The following SKIC2 variants were observed in gnomAD, a reference collection of about 807,000 sequenced individuals.
SKIC2 encodes SKI2 subunit of superkiller complex.
chr6:31,962,401 C>T, the SKIC2 span: 210 of 1,612,250 alleles, frequency 1.3e-4, no homozygotes, highest in Non-Finnish European at 1.7e-4. This position sits in a 1 kb window ranked among gnomAD's most constrained non-coding sequence, Gnocchi z 5.0. Context: ...GGCCATGAGT[C>T]TGCGGAGGGA....
At chr6:31,961,304 G>T in the SKIC2 span, 1 of 1,601,086 alleles carries the variant, frequency 6.2e-7, no homozygotes, top group Non-Finnish European at 8.5e-7. Flanking sequence ...CAGCCAGGAG[G>T]TCCCAGAGGG....
the SKIC2 span, chr6:31,960,037 C>T: frequency 3.1e-6 from 5 of 1,613,032 alleles, no homozygotes; most frequent in Non-Finnish European, 4.2e-6. Flanking sequence ...TCCTTGTGCC[C>T]CAGATCTGCA....
At chr6:31,963,312 C>T in the SKIC2 span, 1 of 1,175,352 alleles carries the variant, frequency 8.5e-7, no homozygotes, top group African/African-American at 1.5e-5. The surrounding 1 kb of genome is among the most constrained non-coding windows in gnomAD (Gnocchi z 5.3). Flanking sequence ...TTCTGGGTCT[C>T]AGAAAAGACT....
chr6:31,960,566 G>A, the SKIC2 span: 10 of 1,586,790 alleles, frequency 6.3e-6, no homozygotes, highest in African/African-American at 2.7e-5. Context: ...GTGGAGATGG[G>A]ATGGTAGAAG....
the SKIC2 span, chr6:31,969,327 G>C: frequency 6.2e-7 from 1 of 1,614,248 alleles, no homozygotes; most frequent in Non-Finnish European, 8.5e-7. This position sits in a 1 kb window ranked among gnomAD's most constrained non-coding sequence, Gnocchi z 6.1. Flanking sequence ...GTGAGGTCCA[G>C]GTGGCTTGTG....
At chr6:31,963,784 C>T in the SKIC2 span, 1 of 1,510,016 alleles carries the variant, frequency 6.6e-7, no homozygotes, top group Non-Finnish European at 9.0e-7. This position sits in a 1 kb window ranked among gnomAD's most constrained non-coding sequence, Gnocchi z 5.3. Context: ...TTCCTCCTAT[C>T]TTTTTTTTCC....
chr6:31,967,731 C>T, the SKIC2 span: 1 of 1,613,016 alleles, frequency 6.2e-7, no homozygotes, highest in Non-Finnish European at 8.5e-7. The surrounding 1 kb of genome is among the most constrained non-coding windows in gnomAD (Gnocchi z 4.9). Flanking sequence ...TCGAACTCCA[C>T]CAGCAGAGTA....
At chr6:31,963,722 G>A in the SKIC2 span, 10 of 1,542,724 alleles carry the variant, frequency 6.5e-6, no homozygotes, top group Non-Finnish European at 7.8e-6. This position sits in a 1 kb window ranked among gnomAD's most constrained non-coding sequence, Gnocchi z 5.3. Flanking sequence ...ACATCAGGGG[G>A]GCCCTGCACA....
the SKIC2 span, chr6:31,967,157 T>A: frequency 8.5e-4 from 1,363 of 1,607,990 alleles, 6 homozygotes; most frequent in African/African-American, 0.013. The surrounding 1 kb of genome is among the most constrained non-coding windows in gnomAD (Gnocchi z 4.9). Context: ...CAAGTGTGAG[T>A]GCTGAGGAGG....
At chr6:31,969,426 T>C in the SKIC2 span, 1 of 1,614,090 alleles carries the variant, frequency 6.2e-7, no homozygotes, top group Non-Finnish European at 8.5e-7. This position sits in a 1 kb window ranked among gnomAD's most constrained non-coding sequence, Gnocchi z 6.1. Flanking sequence ...GCATGGTGAG[T>C]ACCTGAGGTT....
the SKIC2 span, chr6:31,963,619 C>T: frequency 3.3e-6 from 5 of 1,531,384 alleles, no homozygotes; most frequent in Non-Finnish European, 4.4e-6. This position sits in a 1 kb window ranked among gnomAD's most constrained non-coding sequence, Gnocchi z 5.3. Flanking sequence ...ATTGTGGCTA[C>T]CCCTCCCTGT....
the SKIC2 span, chr6:31,963,896 TC>T: frequency 6.2e-7 from 1 of 1,601,624 alleles, no homozygotes; most frequent in Non-Finnish European, 8.5e-7. This position sits in a 1 kb window ranked among gnomAD's most constrained non-coding sequence, Gnocchi z 5.3. Flanking sequence ...TCCTTCCCCT[TC>T]CCCTTCCTTC....
At chr6:31,962,118 A>T in the SKIC2 span, 1 of 1,545,528 alleles carries the variant, frequency 6.5e-7, no homozygotes, top group South Asian at 1.1e-5. The surrounding 1 kb of genome is among the most constrained non-coding windows in gnomAD (Gnocchi z 5.0). Context: ...GCATCCTTTG[A>T]AAATCTCATC....
chr6:31,962,176 T>C, the SKIC2 span: 3 of 1,059,868 alleles, frequency 2.8e-6, no homozygotes, highest in Non-Finnish European at 4.2e-6. The surrounding 1 kb of genome is among the most constrained non-coding windows in gnomAD (Gnocchi z 5.0). Flanking sequence ...GGTTCAGGGC[T>C]AAGACTGAGA....
chr6:31,962,204 A>C, the SKIC2 span: 1 of 945,574 alleles, frequency 1.1e-6, no homozygotes, highest in East Asian at 2.5e-5. The surrounding 1 kb of genome is among the most constrained non-coding windows in gnomAD (Gnocchi z 5.0). Flanking sequence ...CCAGAGAGAA[A>C]TGAAAAGACA....
chr6:31,966,747 G>A, the SKIC2 span: 9 of 1,614,120 alleles, frequency 5.6e-6, no homozygotes, highest in East Asian at 2.2e-5. The surrounding 1 kb of genome is among the most constrained non-coding windows in gnomAD (Gnocchi z 5.9). Context: ...TCCGCCTCAC[G>A]TACACTATGA....
the SKIC2 span, chr6:31,959,491 T>A: frequency 1.1e-6 from 1 of 910,078 alleles, no homozygotes; most frequent in Non-Finnish European, 1.8e-6. Context: ...ACCTTGTTCA[T>A]CTGTGCCTGT....
At chr6:31,963,680 C>T in the SKIC2 span, 1 of 1,556,720 alleles carries the variant, frequency 6.4e-7, no homozygotes, top group Non-Finnish European at 8.7e-7. This position sits in a 1 kb window ranked among gnomAD's most constrained non-coding sequence, Gnocchi z 5.3. Context: ...AATGAGCAAA[C>T]ACGCCCAGAC....
chr6:31,964,144 G>A, the SKIC2 span: 2 of 1,609,968 alleles, frequency 1.2e-6, no homozygotes, highest in Non-Finnish European at 8.5e-7. This position sits in a 1 kb window ranked among gnomAD's most constrained non-coding sequence, Gnocchi z 5.0. Flanking sequence ...GTGTGCGTCT[G>A]TGTGCGTGCA....
Sources: gnomAD v4.1 joint callset for allele counts on GRCh38, gnomAD v4.1.1 for gene constraint, Gnocchi (gnomAD v3.1) non-coding constraint, MANE v1.5 for transcripts, NCBI Gene and HGNC (gene_info 2026-07-23, HGNC 2026-07-21) for gene names.